Variants in LOXHD1 observed in about 807,000 individuals in gnomAD.
LOXHD1 encodes lipoxygenase homology PLAT domains 1, also known as lipoxygenase homology domain-containing protein 1.
In LOXHD1, 205 loss-of-function variants were observed where a neutral mutation model predicts 248.2. The ratio of observed to expected loss-of-function variants is 0.83; its 90% CI spans 0.74 to 0.93. The LOEUF is 0.93. Ranked by LOEUF, LOXHD1 falls within the 40% of genes least tolerant of loss-of-function variation. The pLI, the probability that LOXHD1 is intolerant of heterozygous loss-of-function variation, is 0.00. For missense variants in LOXHD1, 2,930 were observed against 2,971.6 expected (o/e 0.99, Z 0.33); for synonymous variants, 1,113 against 1,162.8 (o/e 0.96, Z 0.87).
chr18:46,589,881 C>G (rs2038133697), intron 12 of LOXHD1, among the ~76,000 whole-genome samples: 1 of 152,158 alleles, frequency 6.6e-6, no homozygotes, highest in Non-Finnish European at 1.5e-5. Context: ...AGGGGAAAGT[C>G]ATGCTTCACT....
intron 21 of LOXHD1, among the ~76,000 whole-genome samples, chr18:46,554,515 A>C (rs1045039416): frequency 2.6e-5 from 4 of 152,218 alleles, no homozygotes; most frequent in South Asian, 2.1e-4. Flanking sequence ...TAGCTCCCAC[A>C]GTAGGCTTTG....
At chr18:46,570,392 T>C (rs921098839) in intron 15 of LOXHD1, among the ~76,000 whole-genome samples, 2 of 152,228 alleles carry the variant, frequency 1.3e-5, no homozygotes, top group Non-Finnish European at 2.9e-5. Context: ...AGGTGAGTGA[T>C]GCTCACTCCC....
chr18:46,556,172 C>T (rs966997372), intron 21 of LOXHD1, among the ~76,000 whole-genome samples: 2 of 151,834 alleles, frequency 1.3e-5, no homozygotes, highest in African/African-American at 4.8e-5. Flanking sequence ...TCTATGACTG[C>T]TTTTGTGTTA....
rs115099899 is a variant in LOXHD1, at chr18:46,497,530, C to T, written c.5878+8308G>A. 7.6e-3 allele frequency among the ~76,000 whole-genome samples: 1,150 copies of T among 152,196 alleles called. 13 individuals carry two copies. The highest frequency in any genetic ancestry group is 0.023 in the African/African-American group (953 of 41,528). On this transcript the variant is annotated intron_variant, in intron 37 of 40. Transcript: ENST00000642948. ...ATGAGTCTGAGTTTCATGGCCAGGA[C>T]TCAACTTTTTAAAAAACCACTAAGG...
rs2039181236 is a variant in LOXHD1, at chr18:46,656,353, G to A, written c.130+551C>T. Among the ~76,000 whole-genome samples, 5 of 152,194 alleles carry A rather than the reference G, an allele frequency of 3.3e-5. No homozygotes were observed. The South Asian group carries it at 1.0e-3, about 32-fold the overall frequency. On this transcript the variant is annotated intron_variant, in intron 1 of 40. Transcript: ENST00000642948. ...AAGGAGTTAGAGCAATTTCAAGCAG[G>A]TCTCATGTGGCCCAGGGAAAGATGA...
At chr18:46,579,925 T>C in intron 12 of LOXHD1, 141 bp from the exon 13 acceptor site, 1 of 1,026,282 alleles carries the variant, frequency 9.7e-7, no homozygotes, top group South Asian at 1.7e-5. Flanking sequence ...CTCCCAACTA[T>C]CTAAATCCTA....
chr18:46,604,001 G>C, intron 7 of LOXHD1, 105 bp downstream of exon 7: 1 of 1,444,766 alleles, frequency 6.9e-7, no homozygotes, highest in Non-Finnish European at 9.4e-7. Flanking sequence ...TGCAGACCCA[G>C]CTGGCTCCTG....
intron 25 of LOXHD1, among the ~76,000 whole-genome samples, chr18:46,539,540 C>T (rs1014365510): frequency 2.0e-5 from 3 of 152,068 alleles, no homozygotes; most frequent in African/African-American, 7.2e-5. Context: ...TTAACTCATA[C>T]TTTATACTAA....
chr18:46,560,351 C>A lies in LOXHD1; in HGVS notation c.2793G>T (p.Arg931=), dbSNP rs931874288. 1 of 1,552,518 alleles carries A rather than the reference C, an allele frequency of 6.4e-7. No individual in the cohort carries two copies. Among genetic ancestry groups the A allele is most frequent in the Admixed American group, 2.0e-5 (1 of 51,044 alleles). ...DKLRQLLKKE[R]LKAKLQRKKK... is the part of the protein sequence containing the mutation. ...TCTTCCTCTGCAGCTTGGCCTTCAG[C>A]CGCTCCTTCTTGAGCAGCTGCCGCA... The change falls in exon 19 of 41, where the codon CGG becomes CGT. Residue 931 remains arginine (R), a synonymous_variant. Coordinates refer to ENST00000642948, the MANE Select transcript of LOXHD1 (RefSeq NM_001384474.1).
rs1599016157 is a variant in LOXHD1 at position 46,571,952 on chromosome 18, G to A, written c.2047+134C>T. On this transcript the variant is annotated intron_variant, in intron 15 of 40. Coordinates refer to ENST00000642948, the MANE Select transcript of LOXHD1 (RefSeq NM_001384474.1). ...GGAACTCTCCAGACACTCCCTCGGA[G>A]CCTCCCTCTCCTCCCTCCCCACTGC... 3.1e-5 allele frequency: 23 copies of A among 744,196 alleles called. No individual in the cohort carries two copies. In the East Asian group the frequency reaches 6.3e-4, roughly 20 times the overall value. 46.1% of individuals were successfully genotyped at this position (744,196 alleles called of 1,614,324 possible).
chr18:46,610,947 G>A, intron 5 of LOXHD1, 23 bp from the exon 6 acceptor site: 2 of 1,548,566 alleles, frequency 1.3e-6, no homozygotes, highest in Non-Finnish European at 1.7e-6. Context: ...ACATACAAAA[G>A]AAATTACAAA....
chr18:46,572,744 GC>G (rs1301108986), intron 14 of LOXHD1, among the ~76,000 whole-genome samples: 2 of 152,102 alleles, frequency 1.3e-5, no homozygotes, highest in Non-Finnish European at 2.9e-5. Context: ...GATACGTAAG[GC>G]CCAGCCCAGG....
At position 46,611,681 on chromosome 18, in the gene LOXHD1, T is replaced by A. The variant is rs542591990; in HGVS notation, c.611-757A>T. On this transcript the variant is annotated intron_variant, in intron 5 of 40. Transcript: ENST00000642948. ...CAGTTCAAACATACAGAAAATAATA[T>A]AAGACATTCATGTACCCACCATCCA... Among the ~76,000 whole-genome samples the A allele has an allele frequency of 1.4e-3, 217 of 152,270 alleles. 1 individual carries two copies. The South Asian group carries it at 0.016, about 11-fold the overall frequency.
chr18:46,607,552 T>C (rs187363368), intron 6 of LOXHD1, among the ~76,000 whole-genome samples: 241 of 151,946 alleles, frequency 1.6e-3, no homozygotes, highest in Non-Finnish European at 1.2e-3. Flanking sequence ...ATTAACTGGT[T>C]ATTTTTGGGT....
intron 37 of LOXHD1, among the ~76,000 whole-genome samples, chr18:46,505,186 CTT>C (rs34975318): frequency 5.5e-5 from 8 of 145,076 alleles, no homozygotes; most frequent in Admixed American, 6.9e-5. Flanking sequence ...ATAATCCCTT[CTT>C]TTTTTTTTTT....
At chr18:46,490,339 C>G (rs973794913) in intron 37 of LOXHD1, among the ~76,000 whole-genome samples, 1 of 152,206 alleles carries the variant, frequency 6.6e-6, no homozygotes, top group African/African-American at 2.4e-5. Flanking sequence ...CATTGGCGGT[C>G]CTGGTATAGC....
In LOXHD1 at chr18:46,521,080, C is replaced by G; in HGVS notation, c.5271+17G>C. Reference sequence around the variant, plus strand: ...CTGCCCTGGCCATGCACTGCACACTCACAGTGCCCCCCCTACCTTCACCCC... The same window carrying G: ...CTGCCCTGGCCATGCACTGCACACTGACAGTGCCCCCCCTACCTTCACCCC... On this transcript the variant is annotated intron_variant, in intron 33 of 40. Coordinates refer to ENST00000642948, the MANE Select transcript of LOXHD1 (RefSeq NM_001384474.1). 6.4e-7 allele frequency: 1 copy of G among 1,550,694 alleles called. No homozygotes were observed. Among genetic ancestry groups the G allele is most frequent in the Non-Finnish European group, 8.7e-7 (1 of 1,146,272 alleles).
At chr18:46,543,923 T>C (rs1410157793) in intron 23 of LOXHD1, among the ~76,000 whole-genome samples, 3 of 152,188 alleles carry the variant, frequency 2.0e-5, no homozygotes, top group Admixed American at 6.5e-5. Context: ...GCATCTTCTC[T>C]GGATGACAGA....
intron 6 of LOXHD1, among the ~76,000 whole-genome samples, chr18:46,606,824 T>G (rs545095498): frequency 6.6e-6 from 1 of 152,268 alleles, no homozygotes; most frequent in South Asian, 2.1e-4. Context: ...CAAAGGAGAT[T>G]GGTTTAATAA....
Sources: allele counts gnomAD v4.1 joint callset (sites outside exome capture counted in the v4.1 genomes callset), GRCh38; gene constraint gnomAD v4.1.1; transcripts MANE v1.5; gene names NCBI Gene and HGNC (gene_info 2026-07-23, HGNC 2026-07-21).